The following NR3C2 variants were observed in gnomAD, a reference collection of about 807,000 sequenced individuals.
NR3C2 encodes mineralocorticoid receptor.
In NR3C2, 15 loss-of-function variants were observed where a neutral mutation model predicts 86.4. That is an observed-to-expected ratio of 0.17 (90% CI 0.12 to 0.27). The LOEUF (loss-of-function observed/expected upper bound fraction) is 0.27. Among genes scored for constraint, NR3C2 ranks in the 10% least tolerant of loss-of-function variants. The pLI is 1.00. For missense variants in NR3C2, 960 were observed against 1,195.6 expected (o/e 0.80, Z 2.91); for synonymous variants, 458 against 450.5 (o/e 1.02, Z -0.21).
intron 2 of NR3C2, among the ~76,000 whole-genome samples, chr4:148,387,020 G>A (rs918067481): frequency 1.3e-5 from 2 of 152,124 alleles, no homozygotes; most frequent in Non-Finnish European, 2.9e-5. Flanking sequence ...ACATTTCTCA[G>A]CTGAGAAACT....
chr4:148,368,665 A>G (rs773856936), intron 2 of NR3C2, among the ~76,000 whole-genome samples: 5 of 152,128 alleles, frequency 3.3e-5, no homozygotes, highest in Non-Finnish European at 7.3e-5. Context: ...ATGTGGGGAG[A>G]AAGGAAGCAG....
chr4:148,132,851 T>C (rs1733099049), intron 6 of NR3C2, among the ~76,000 whole-genome samples: 1 of 152,174 alleles, frequency 6.6e-6, no homozygotes, highest in Admixed American at 6.5e-5. Flanking sequence ...TAATAAATGC[T>C]ATGTTAAGAC....
chr4:148,290,932 C>A lies in NR3C2; in HGVS notation c.1758-30815G>T, dbSNP rs561925958. 1.9e-4 allele frequency among the ~76,000 whole-genome samples: 29 copies of A among 152,236 alleles called. No individual in the cohort carries two copies. In the East Asian group the frequency reaches 5.4e-3, roughly 28 times the overall value. On this transcript the variant is annotated intron_variant, in intron 2 of 8. Coordinates refer to ENST00000358102, the MANE Select transcript of NR3C2 (RefSeq NM_000901.5). ...TATTTTCCAGTTTTAGATTTATAAT[C>A]ACCTGTTAGAATGAGCAAACAAATT... is the stretch of plus-strand genomic sequence containing the variant.
At chr4:148,419,019 C>A (rs1344241965) in intron 2 of NR3C2, among the ~76,000 whole-genome samples, 1 of 152,096 alleles carries the variant, frequency 6.6e-6, no homozygotes, top group Non-Finnish European at 1.5e-5. Flanking sequence ...CACTCTTTAA[C>A]CCTCATCTTT....
intron 2 of NR3C2, among the ~76,000 whole-genome samples, chr4:148,434,426 T>C (rs1020532914): frequency 6.6e-6 from 1 of 152,218 alleles, no homozygotes; most frequent in Non-Finnish European, 1.5e-5. Context: ...GTTATAAATA[T>C]ACCAATTCAA....
intron 2 of NR3C2, among the ~76,000 whole-genome samples, chr4:148,293,072 A>T (rs1741873173): frequency 6.6e-6 from 1 of 152,172 alleles, no homozygotes; most frequent in Non-Finnish European, 1.5e-5. Flanking sequence ...GACCTTGAAA[A>T]ATCTTGAAGT....
intron 5 of NR3C2, among the ~76,000 whole-genome samples, chr4:148,154,165 A>G (rs1734235397): frequency 6.6e-6 from 1 of 151,702 alleles, no homozygotes; most frequent in African/African-American, 2.4e-5. Context: ...CCTGCCACCA[A>G]GCAGGACTAA....
chr4:148,144,880 A>C (rs1411112820), intron 6 of NR3C2, among the ~76,000 whole-genome samples: 1 of 152,178 alleles, frequency 6.6e-6, no homozygotes, highest in African/African-American at 2.4e-5. Context: ...CTTGAGCTCC[A>C]CTGTCTCCAA....
At chr4:148,193,326 T>C (rs572637000) in intron 4 of NR3C2, among the ~76,000 whole-genome samples, 8 of 152,324 alleles carry the variant, frequency 5.3e-5, no homozygotes, top group African/African-American at 1.7e-4. Flanking sequence ...TCACAGTAAC[T>C]GGGGTGTCTC....
chr4:148,318,103 C>T (rs1053603480), intron 2 of NR3C2, among the ~76,000 whole-genome samples: 2 of 149,002 alleles, frequency 1.3e-5, no homozygotes, highest in South Asian at 4.2e-4. Context: ...TCAATTCCCA[C>T]CTATGAGTGA....
intron 3 of NR3C2, among the ~76,000 whole-genome samples, chr4:148,250,641 G>T (rs1181771600): frequency 2.0e-5 from 3 of 152,152 alleles, no homozygotes; most frequent in African/African-American, 7.2e-5. Flanking sequence ...AAACTTGCAA[G>T]AAAACAACTC....
At chr4:148,154,382 A>G (rs746315420) in intron 5 of NR3C2, among the ~76,000 whole-genome samples, 169 bp downstream of exon 5, 1 of 152,234 alleles carries the variant, frequency 6.6e-6, no homozygotes, top group Non-Finnish European at 1.5e-5. Flanking sequence ...AAATGAGCAC[A>G]TTAACCATAT....
rs541217774 is a variant in NR3C2, at chr4:148,424,033, T to C, written c.1757+11071A>G. Reference sequence around the variant, plus strand: ...CAGCCTACCAATACAGAATTTTAAATATCTATTGTACTCTTAGTTCTAGGT... The same window carrying C: ...CAGCCTACCAATACAGAATTTTAAACATCTATTGTACTCTTAGTTCTAGGT... On this transcript the variant is annotated intron_variant, in intron 2 of 8. Coordinates refer to ENST00000358102, the MANE Select transcript of NR3C2 (RefSeq NM_000901.5). Among the ~76,000 whole-genome samples the C allele has an allele frequency of 1.5e-4, 23 of 152,346 alleles. No homozygotes were observed. In the South Asian group the frequency reaches 4.8e-3, roughly 32 times the overall value.
chr4:148,444,420 G>T, upstream of NR3C2: 1 of 985,936 alleles, frequency 1.0e-6, no homozygotes, highest in Non-Finnish European at 1.2e-6. Context: ...TCGCCAACCC[G>T]CGCCCTCTGC....
At position 148,421,637 on chromosome 4, in the gene NR3C2, G is replaced by A. The variant is rs72658657; in HGVS notation, c.1757+13467C>T. 8.2e-4 allele frequency among the ~76,000 whole-genome samples: 125 copies of A among 152,222 alleles called. 1 individual carries two copies. Among genetic ancestry groups the A allele is most frequent in the African/African-American group, 2.8e-3 (117 of 41,536 alleles). ...ACAATGTACTGACTCTGACAGTCAT[G>A]GACATCTAGCCATTTTCCCCATTAA... On this transcript the variant is annotated intron_variant, in intron 2 of 8. Coordinates refer to ENST00000358102, the MANE Select transcript of NR3C2 (RefSeq NM_000901.5).
chr4:148,185,394 A>G (rs550476444), intron 4 of NR3C2, among the ~76,000 whole-genome samples: 1 of 152,322 alleles, frequency 6.6e-6, no homozygotes, highest in South Asian at 2.1e-4. Context: ...CTTGATTTCT[A>G]GGAGTTGCTC....
intron 2 of NR3C2, among the ~76,000 whole-genome samples, chr4:148,333,765 T>C (rs868785925): frequency 6.6e-6 from 1 of 152,194 alleles, no homozygotes; most frequent in African/African-American, 2.4e-5. Flanking sequence ...GACAAGTTTT[T>C]GTCACAAGAA....
At chr4:148,309,537 T>A (rs1241402894) in intron 2 of NR3C2, among the ~76,000 whole-genome samples, 1 of 151,584 alleles carries the variant, frequency 6.6e-6, no homozygotes, top group East Asian at 1.9e-4. Context: ...CACATGCACA[T>A]GGATAAAAGA....
At chr4:148,228,953 G>C (rs1169644200) in intron 3 of NR3C2, among the ~76,000 whole-genome samples, 1 of 152,188 alleles carries the variant, frequency 6.6e-6, no homozygotes, top group East Asian at 1.9e-4. Flanking sequence ...CTATAAAAGA[G>C]CTGAGAGGCA....
Sources: allele counts gnomAD v4.1 joint callset (sites outside exome capture counted in the v4.1 genomes callset), GRCh38; gene constraint gnomAD v4.1.1; transcripts MANE v1.5; gene names NCBI Gene and HGNC (gene_info 2026-07-23, HGNC 2026-07-21).